The following SATB2 variants were observed in gnomAD, a reference collection of about 807,000 sequenced individuals.
SATB2 encodes the protein DNA-binding protein SATB2.
SATB2 carries 1 observed loss-of-function variant against 73.4 expected under a neutral mutation model. The observed-to-expected ratio is 0.01, with a 90% CI of 0.00 to 0.06. The LOEUF (loss-of-function observed/expected upper bound fraction) is 0.06. SATB2 is among the 10% of genes least tolerant of loss of function. The pLI is 1.00. For missense variants in SATB2, 459 were observed against 945.8 expected (o/e 0.49, Z 6.75); for synonymous variants, 397 against 367.0 (o/e 1.08, Z -0.93).
intron 3 of SATB2, among the ~76,000 whole-genome samples, chr2:199,421,364 C>G (rs764231878): frequency 6.6e-6 from 1 of 152,144 alleles, no homozygotes; most frequent in African/African-American, 2.4e-5. Context: ...ATCACTCCAG[C>G]AAATATGGGA....
rs1334431782 is a variant in SATB2 at position 199,270,505 on chromosome 2, C to T, written c.*1706G>A. On this transcript the variant is annotated 3_prime_UTR_variant, in exon 11 of 11. Transcript: ENST00000417098. ...TCTTTGACAAGGTTTTGTGAAAGCA[C>T]AACTCAAAAAAAAAAAAAAAATCCA... 1.2e-5 allele frequency: 1 copy of T among 80,764 alleles called. No homozygotes were observed. The highest frequency in any genetic ancestry group is 2.9e-5 in the Non-Finnish European group (1 of 34,890). The allele number at this position is 80,764 out of a possible 1,614,324, so 5.0% of individuals were successfully genotyped here.
intron 7 of SATB2, among the ~76,000 whole-genome samples, chr2:199,339,678 T>C (rs1688447669): frequency 6.6e-6 from 1 of 152,168 alleles, no homozygotes. Context: ...TATTGGATAG[T>C]GAGAAATAAT....
At chr2:199,420,091 A>C (rs1373209499) in intron 3 of SATB2, among the ~76,000 whole-genome samples, 1 of 152,218 alleles carries the variant, frequency 6.6e-6, no homozygotes, top group Non-Finnish European at 1.5e-5. Context: ...CTCAAGAAAC[A>C]GAATGCCTGG....
chr2:199,374,139 A>G (rs1450783204), intron 5 of SATB2, among the ~76,000 whole-genome samples: 2 of 152,230 alleles, frequency 1.3e-5, no homozygotes, highest in Admixed American at 6.5e-5. Flanking sequence ...GGCACACTAC[A>G]TGAACGCCAT....
At chr2:199,437,771 A>T (rs1433508654) in intron 2 of SATB2, among the ~76,000 whole-genome samples, 1 of 152,218 alleles carries the variant, frequency 6.6e-6, no homozygotes, top group East Asian at 1.9e-4. Context: ...TTTTTTCAAA[A>T]TCGGTATTAA....
chr2:199,356,225 C>CAAAAAAAAAAAAAAAAAAAAAA (rs200509001), intron 6 of SATB2, among the ~76,000 whole-genome samples: 4 of 100,974 alleles, frequency 4.0e-5, no homozygotes, highest in African/African-American at 1.0e-4. Flanking sequence ...GAACATAAGC[C>CAAAAAAAAAAAAAAAAAAAAAA]AAAAAAAAAA....
At chr2:199,467,249 G>A (rs1013907493), upstream of SATB2, among the ~76,000 whole-genome samples, 6 of 152,266 alleles carry the variant, frequency 3.9e-5, no homozygotes, top group African/African-American at 1.2e-4. Context: ...TAACTTCTGC[G>A]GATTCGGCTT....
At chr2:199,328,646 G>T in intron 8 of SATB2, 52 bp downstream of exon 8, 2 of 1,385,972 alleles carry the variant, frequency 1.4e-6, no homozygotes, top group Non-Finnish European at 2.1e-6. Context: ...ACTAGTGAAG[G>T]CAAGATGTTT....
chr2:199,377,322 G>A lies in SATB2; in HGVS notation c.597+3042C>T, dbSNP rs1334580903. Among the ~76,000 whole-genome samples the A allele has an allele frequency of 5.3e-5, 8 of 152,272 alleles. No individual in the cohort carries two copies. The East Asian group carries it at 1.4e-3, about 26-fold the overall frequency. ...TGAACAGGGAGGCGGCAGTTGCACTGAGCTGAGATCGTGCCACTACACTTC... is the reference window on the plus strand; with the variant it reads ...TGAACAGGGAGGCGGCAGTTGCACTAAGCTGAGATCGTGCCACTACACTTC... On this transcript the variant is annotated intron_variant, in intron 5 of 10. Transcript: ENST00000417098.
intron 3 of SATB2, chr2:199,397,900 T>C (rs757987143): frequency 1.4e-4 from 39 of 284,324 alleles, no homozygotes; most frequent in Admixed American, 2.3e-4. Context: ...GAAAGATATT[T>C]GAAAGACAGT....
At chr2:199,465,600 C>G (rs1393390539), upstream of SATB2, among the ~76,000 whole-genome samples, 1 of 152,212 alleles carries the variant, frequency 6.6e-6, no homozygotes, top group Non-Finnish European at 1.5e-5. Flanking sequence ...AAAGACCTTT[C>G]ATGAACAATA....
intron 10 of SATB2, among the ~76,000 whole-genome samples, chr2:199,293,326 A>AC (rs1692927952): frequency 6.6e-6 from 1 of 152,144 alleles, no homozygotes; most frequent in Non-Finnish European, 1.5e-5. Flanking sequence ...CTGAAAAATG[A>AC]CCAAAGCTCT....
intron 2 of SATB2, among the ~76,000 whole-genome samples, chr2:199,442,798 T>C (rs1691857283): frequency 6.6e-6 from 1 of 152,104 alleles, no homozygotes; most frequent in Admixed American, 6.6e-5. Flanking sequence ...AAACAGGATA[T>C]ACAAGTTTGA....
At chr2:199,459,721 C>G (rs747483544), upstream of SATB2, 3 of 152,716 alleles carry the variant, frequency 2.0e-5, no homozygotes, top group African/African-American at 4.8e-5. The surrounding 1 kb of genome is among the most constrained non-coding windows in gnomAD (Gnocchi z 4.2). Flanking sequence ...ACGGCGGCGC[C>G]AGAGGGCCAA....
intron 2 of SATB2, among the ~76,000 whole-genome samples, chr2:199,452,394 T>C (rs1233804510): frequency 6.6e-6 from 1 of 152,184 alleles, no homozygotes; most frequent in Non-Finnish European, 1.5e-5. Context: ...GGAAACTTGA[T>C]TGGCATCACT....
intron 7 of SATB2, among the ~76,000 whole-genome samples, chr2:199,331,637 CTT>C (rs2105799137): frequency 6.6e-6 from 1 of 152,156 alleles, no homozygotes; most frequent in Admixed American, 6.5e-5. Context: ...TTTGTTGAGT[CTT>C]TTTCATTTGA....
intron 6 of SATB2, among the ~76,000 whole-genome samples, chr2:199,360,732 C>T (rs1264870835): frequency 1.3e-5 from 2 of 152,144 alleles, no homozygotes; most frequent in Non-Finnish European, 2.9e-5. Context: ...GATAATTACA[C>T]TTAGCCCTCA....
At chr2:199,414,967 C>T (rs1188208599) in intron 3 of SATB2, among the ~76,000 whole-genome samples, 3 of 152,094 alleles carry the variant, frequency 2.0e-5, no homozygotes, top group Non-Finnish European at 4.4e-5. Flanking sequence ...AAGCAAAGGC[C>T]ACCCCACATG....
At position 199,409,317 on chromosome 2, in the gene SATB2, T is replaced by G. The variant is rs555078831; in HGVS notation, c.346+24021A>C. On this transcript the variant is annotated intron_variant, in intron 3 of 10. Coordinates refer to ENST00000417098, the MANE Select transcript of SATB2 (RefSeq NM_001172509.2). ...TCCTGAGTAGCTGGAATTACAGGCA[T>G]GTGCCACCACGCCCGGCTAATTTTG... Among the ~76,000 whole-genome samples the G allele has an allele frequency of 5.9e-5, 9 of 152,140 alleles. No homozygotes were observed. In the East Asian group the frequency reaches 1.7e-3, roughly 29 times the overall value.
Sources: allele counts gnomAD v4.1 joint callset (sites outside exome capture counted in the v4.1 genomes callset), GRCh38; gene constraint gnomAD v4.1.1; non-coding constraint Gnocchi (gnomAD v3.1); transcripts MANE v1.5; gene names NCBI Gene and HGNC (gene_info 2026-07-23, HGNC 2026-07-21).